Variants in RIMS1 observed in about 807,000 individuals in gnomAD.
The protein encoded by RIMS1 is regulating synaptic membrane exocytosis 1, also known as regulating synaptic membrane exocytosis protein 1.
In RIMS1, 83 loss-of-function variants were observed where a neutral mutation model predicts 214.1. The observed-to-expected ratio is 0.39, with a 90% confidence interval of 0.32 to 0.47. The LOEUF (loss-of-function observed/expected upper bound fraction) is 0.47, where lower values mean the gene tolerates loss of function less well. Among genes scored for constraint, RIMS1 ranks in the 20% least tolerant of loss-of-function variants. The probability of loss-of-function intolerance (pLI) is 0.99; values close to 1 mark genes in which losing one functional copy is unlikely to be tolerated. For missense variants in RIMS1, 2,050 were observed against 2,161.8 expected, an observed-to-expected ratio of 0.95 and a Z score of 1.03; for synonymous variants, 793 against 786.8, an observed-to-expected ratio of 1.01 and a Z score of -0.13.
chr6:72,137,250 A>C (rs1193717287), intron 4 of RIMS1, among the ~76,000 whole-genome samples: 2 of 152,114 alleles, frequency 1.3e-5, no homozygotes, highest in Non-Finnish European at 2.9e-5. Context: ...AGCATTTTAT[A>C]AGAATAAATT....
At chr6:71,975,025 C>T (rs1369207416) in intron 2 of RIMS1, among the ~76,000 whole-genome samples, 23 of 152,226 alleles carry the variant, frequency 1.5e-4, no homozygotes, top group Non-Finnish European at 1.5e-4. Context: ...CCAAATACCA[C>T]CTGTACCCCA....
intron 25 of RIMS1, among the ~76,000 whole-genome samples, chr6:72,291,604 T>G (rs2093400327): frequency 6.6e-6 from 1 of 152,158 alleles, no homozygotes; most frequent in Non-Finnish European, 1.5e-5. Flanking sequence ...GAGGCTGTAA[T>G]TAGATGTATT....
At chr6:72,325,754 A>G (rs1041566569) in intron 28 of RIMS1, among the ~76,000 whole-genome samples, 24 of 151,934 alleles carry the variant, frequency 1.6e-4, no homozygotes, top group Non-Finnish European at 2.9e-5. Flanking sequence ...AAAATTACAG[A>G]GATCATTACT....
At chr6:72,152,452 T>C (rs77416249) in intron 4 of RIMS1, among the ~76,000 whole-genome samples, 1,870 of 152,222 alleles carry the variant, frequency 0.012, 12 homozygotes, top group Non-Finnish European at 0.017. Flanking sequence ...AAATCATCTG[T>C]GTGCTTTTCT....
intron 4 of RIMS1, among the ~76,000 whole-genome samples, chr6:72,105,188 C>T (rs2034490545): frequency 6.6e-6 from 1 of 152,098 alleles, no homozygotes; most frequent in Non-Finnish European, 1.5e-5. Flanking sequence ...CCTGCTTTGG[C>T]CTCCCAAAGT....
intron 4 of RIMS1, among the ~76,000 whole-genome samples, chr6:72,172,901 T>C (rs1193922575): frequency 6.6e-6 from 1 of 152,190 alleles, no homozygotes; most frequent in Non-Finnish European, 1.5e-5. Context: ...TCGAAATTTC[T>C]CTCTAGGGTT....
chr6:71,895,753 CAATTTATGTGGTTTTTATTCTGGAAAA>C (rs1771556615), intron 1 of RIMS1, among the ~76,000 whole-genome samples: 3 of 143,026 alleles, frequency 2.1e-5, no homozygotes, highest in African/African-American at 7.8e-5. Context: ...GTTTTGTTTT[CAATTTATGTGGTTTTTATTCTGGAAAA>C]AATAGGCAGA....
intron 2 of RIMS1, among the ~76,000 whole-genome samples, chr6:72,077,839 T>C (rs756045760): frequency 2.6e-5 from 4 of 152,234 alleles, no homozygotes; most frequent in Non-Finnish European, 4.4e-5. Flanking sequence ...CAGCCCTGGC[T>C]TGTATCTGGT....
chr6:72,336,433 TC>T (rs2096846914), intron 29 of RIMS1, among the ~76,000 whole-genome samples: 1 of 151,868 alleles, frequency 6.6e-6, no homozygotes, highest in African/African-American at 2.4e-5. Context: ...ACATCTTCCT[TC>T]CCAGAAGATG....
intron 4 of RIMS1, among the ~76,000 whole-genome samples, chr6:72,161,257 T>C (rs2045359229): frequency 1.4e-5 from 2 of 140,448 alleles, no homozygotes; most frequent in Admixed American, 1.5e-4. Context: ...TTTTATTGCA[T>C]CTGTTTGATT....
At chr6:72,016,434 T>TA (rs1181931709) in intron 2 of RIMS1, among the ~76,000 whole-genome samples, 3 of 152,212 alleles carry the variant, frequency 2.0e-5, no homozygotes, top group Admixed American at 2.0e-4. Context: ...TATTTACAGA[T>TA]ACTTTGTTTC....
chr6:72,263,390 A>G (rs562484556), intron 19 of RIMS1: 3 of 981,958 alleles, frequency 3.1e-6, no homozygotes, highest in Admixed American at 6.2e-5. Context: ...TGTTAAGTGG[A>G]AGTTATTTCC....
At chr6:72,260,283 A>G (rs545552930) in intron 18 of RIMS1, among the ~76,000 whole-genome samples, 2 of 152,286 alleles carry the variant, frequency 1.3e-5, no homozygotes, top group Non-Finnish European at 1.5e-5. Context: ...TTCAGTGGCT[A>G]TAAAAGCCAA....
chr6:72,253,660 T>C (rs1159320370), intron 16 of RIMS1, among the ~76,000 whole-genome samples: 3 of 152,158 alleles, frequency 2.0e-5, no homozygotes, highest in African/African-American at 7.2e-5. Flanking sequence ...GCCCTTGATA[T>C]ATATGCCCTT....
intron 26 of RIMS1, among the ~76,000 whole-genome samples, chr6:72,301,613 A>AGG (rs2094612710): frequency 6.6e-6 from 1 of 151,584 alleles, no homozygotes; most frequent in Admixed American, 6.6e-5. Context: ...TTTAAGTTGT[A>AGG]AGCCATTTAA....
intron 24 of RIMS1, among the ~76,000 whole-genome samples, chr6:72,287,301 C>T (rs2092513674): frequency 6.6e-6 from 1 of 152,182 alleles, no homozygotes; most frequent in Non-Finnish European, 1.5e-5. Flanking sequence ...ATACCACATA[C>T]ATGTCCATTC....
At chr6:72,025,437 A>G (rs1816134404) in intron 2 of RIMS1, among the ~76,000 whole-genome samples, 1 of 152,212 alleles carries the variant, frequency 6.6e-6, no homozygotes, top group South Asian at 2.1e-4. Context: ...CTGCTTCTCT[A>G]AAATGAAGCT....
intron 6 of RIMS1, among the ~76,000 whole-genome samples, chr6:72,193,850 T>G (rs1023620067): frequency 6.6e-6 from 1 of 152,110 alleles, no homozygotes; most frequent in East Asian, 1.9e-4. Flanking sequence ...ATATCTATAA[T>G]ATACAAAGAA....
At chr6:72,084,959 T>G (rs1368309224) in intron 2 of RIMS1, among the ~76,000 whole-genome samples, 1 of 152,184 alleles carries the variant, frequency 6.6e-6, no homozygotes, top group Non-Finnish European at 1.5e-5. Context: ...GATAGTCATC[T>G]GCAAAAGAGC....
Sources: gnomAD v4.1 joint callset for allele counts (sites outside exome capture counted in the v4.1 genomes callset) on GRCh38, gnomAD v4.1.1 for gene constraint, MANE v1.5 for transcripts, NCBI Gene and HGNC (gene_info 2026-07-23, HGNC 2026-07-21) for gene names.